NCKAP5: variants seen among roughly 807,000 people sequenced by gnomAD.
NCKAP5 encodes the protein NCK associated protein 5, also known as nck-associated protein 5.
In NCKAP5, 92 loss-of-function variants were observed where a neutral mutation model predicts 167.0. That is an observed-to-expected ratio of 0.55 (90% CI 0.47 to 0.66). NCKAP5 has a LOEUF of 0.66. Ranked by LOEUF, NCKAP5 falls within the 30% of genes least tolerant of loss-of-function variation. The pLI, the probability that NCKAP5 is intolerant of heterozygous loss-of-function variation, is 0.00. For missense variants in NCKAP5, 2,378 were observed against 2,315.0 expected, an observed-to-expected ratio of 1.03 and a Z score of -0.56; for synonymous variants, 891 against 877.4, an observed-to-expected ratio of 1.02 and a Z score of -0.27.
At chr2:132,742,525 A>T in intron 16 of NCKAP5, among the ~76,000 whole-genome samples, 1 of 152,060 alleles carries the variant, frequency 6.6e-6, no homozygotes, top group East Asian at 1.9e-4. Flanking sequence ...TTAAATTAAA[A>T]ATTTGAAGTT....
intron 4 of NCKAP5, among the ~76,000 whole-genome samples, chr2:133,285,159 C>A (rs570834615): frequency 1.5e-4 from 23 of 152,352 alleles, no homozygotes; most frequent in Non-Finnish European, 2.6e-4. Context: ...TTCACCCAAT[C>A]TCAGCTCATG....
chr2:133,349,189 A>G (rs1040263281), intron 3 of NCKAP5, among the ~76,000 whole-genome samples: 6 of 152,176 alleles, frequency 3.9e-5, no homozygotes, highest in Non-Finnish European at 5.9e-5. Context: ...ATTCTGTAGC[A>G]TTTGGCTTAG....
At chr2:133,663,395 C>T in the NCKAP5 span, among the ~76,000 whole-genome samples, 1 of 151,986 alleles carries the variant, frequency 6.6e-6, no homozygotes, top group Non-Finnish European at 1.5e-5. Context: ...TTTCTGAAGG[C>T]TGGGACGGTG....
At chr2:133,660,720 G>A in the NCKAP5 span, among the ~76,000 whole-genome samples, 1 of 152,102 alleles carries the variant, frequency 6.6e-6, no homozygotes, top group Non-Finnish European at 1.5e-5. Flanking sequence ...CGATGCACAT[G>A]TTCCCTTTGC....
intron 6 of NCKAP5, among the ~76,000 whole-genome samples, chr2:133,086,917 A>G (rs1573988207): frequency 6.6e-6 from 1 of 152,152 alleles, no homozygotes; most frequent in African/African-American, 2.4e-5. Context: ...ATACAGGTAT[A>G]TACTTGCCAA....
At chr2:133,272,229 A>G (rs1647214858) in intron 4 of NCKAP5, among the ~76,000 whole-genome samples, 1 of 148,908 alleles carries the variant, frequency 6.7e-6, no homozygotes, top group Admixed American at 6.9e-5. Flanking sequence ...CAAACAAAAC[A>G]GAACAAAAAA....
chr2:133,405,215 G>C (rs1332797353), intron 3 of NCKAP5, among the ~76,000 whole-genome samples: 1 of 152,136 alleles, frequency 6.6e-6, no homozygotes, highest in Non-Finnish European at 1.5e-5. Context: ...ACCTTGTTTT[G>C]TGTGTGTTTC....
intron 6 of NCKAP5, among the ~76,000 whole-genome samples, chr2:133,071,888 A>G (rs567843791): frequency 3.9e-5 from 6 of 152,320 alleles, no homozygotes; most frequent in African/African-American, 1.4e-4. Context: ...CCTGTTTCAG[A>G]TCCCACCTCT....
intron 3 of NCKAP5, among the ~76,000 whole-genome samples, chr2:133,508,084 T>C (rs535952082): frequency 3.9e-5 from 6 of 152,272 alleles, no homozygotes; most frequent in Admixed American, 1.3e-4. Context: ...AGAATGTTAA[T>C]AGAGGAGTCA....
At chr2:132,901,679 A>C (rs1693639535) in intron 8 of NCKAP5, among the ~76,000 whole-genome samples, 1 of 152,354 alleles carries the variant, frequency 6.6e-6, no homozygotes. Context: ...AGCTCTTCAT[A>C]TTTTAATGTC....
intron 11 of NCKAP5, among the ~76,000 whole-genome samples, chr2:132,820,547 G>T (rs929484856): frequency 1.7e-4 from 25 of 151,072 alleles, no homozygotes; most frequent in Middle Eastern, 6.8e-3. Flanking sequence ...TTTGTTTTTT[G>T]TTTTTTGTTT....
At chr2:133,023,303 C>G (rs1049691732) in intron 6 of NCKAP5, among the ~76,000 whole-genome samples, 1 of 152,226 alleles carries the variant, frequency 6.6e-6, no homozygotes, top group African/African-American at 2.4e-5. Flanking sequence ...CTTTTTCATA[C>G]TGTCTCTTAG....
rs151038369 is a variant in NCKAP5 at position 133,128,759 on chromosome 2, G to T, written c.341+1219C>A. Among the ~76,000 whole-genome samples, 572 of 151,980 alleles carry T rather than the reference G, an allele frequency of 3.8e-3. 12 individuals are homozygous for T. The highest frequency in any genetic ancestry group is 2.7e-3 in the East Asian group (14 of 5,160). ...AATACAGGCACCTGCCATCATGCCC[G>T]GCTAATTTTTGTGTTTTTAGTAGAG... On this transcript the variant is annotated intron_variant, in intron 6 of 19. Coordinates refer to ENST00000409261, the MANE Select transcript of NCKAP5 (RefSeq NM_207363.3).
intron 7 of NCKAP5, among the ~76,000 whole-genome samples, chr2:132,976,727 T>C (rs2076988905): frequency 6.6e-6 from 1 of 152,060 alleles, no homozygotes; most frequent in Admixed American, 6.5e-5. Context: ...TCACAATGTG[T>C]GTATAATTAA....
intron 3 of NCKAP5, among the ~76,000 whole-genome samples, chr2:133,314,558 C>T (rs1681468437): frequency 6.6e-6 from 1 of 152,200 alleles, no homozygotes; most frequent in African/African-American, 2.4e-5. Context: ...CCGATTACCA[C>T]CCACTGTCCT....
At chr2:132,787,210 T>C (rs942306500) in intron 13 of NCKAP5, among the ~76,000 whole-genome samples, 4 of 152,048 alleles carry the variant, frequency 2.6e-5, no homozygotes, top group African/African-American at 9.7e-5. Flanking sequence ...TAGCTGTGCA[T>C]GTTGGCGGGT....
chr2:133,408,757 G>T (rs901809563), intron 3 of NCKAP5, among the ~76,000 whole-genome samples: 13 of 152,232 alleles, frequency 8.5e-5, no homozygotes, highest in Non-Finnish European at 1.0e-4. Context: ...TGGTGTGCCA[G>T]CCACTGGCAG....
At chr2:133,448,544 AT>A (rs1162563655) in intron 3 of NCKAP5, among the ~76,000 whole-genome samples, 1 of 152,240 alleles carries the variant, frequency 6.6e-6, no homozygotes, top group African/African-American at 2.4e-5. Context: ...AATGCTGCAA[AT>A]TGAACTTGGC....
intron 3 of NCKAP5, among the ~76,000 whole-genome samples, chr2:133,514,057 G>T (rs556806426): frequency 1.3e-5 from 2 of 152,178 alleles, no homozygotes; most frequent in South Asian, 4.2e-4. Context: ...GAACAGTTTT[G>T]GGTCAAGAAG....
Sources: allele counts gnomAD v4.1 joint callset (sites outside exome capture counted in the v4.1 genomes callset), GRCh38; gene constraint gnomAD v4.1.1; transcripts MANE v1.5; gene names NCBI Gene and HGNC (gene_info 2026-07-23, HGNC 2026-07-21).